The following PACRG variants were observed in gnomAD, a reference collection of about 807,000 sequenced individuals.
PACRG encodes parkin coregulated.
A neutral mutation model predicts 29.7 loss-of-function variants in PACRG; 29 were observed. The ratio of observed to expected loss-of-function variants is 0.98; its 90% CI spans 0.73 to 1.33. The LOEUF (loss-of-function observed/expected upper bound fraction) is 1.33. Among genes scored for constraint, PACRG ranks in the 40% most tolerant of loss-of-function variants. The probability of loss-of-function intolerance (pLI) is 0.00; values close to 1 mark genes in which losing one functional copy is unlikely to be tolerated. For missense variants in PACRG, 279 were observed against 316.2 expected (o/e 0.88, Z 0.89); for synonymous variants, 116 against 118.7 (o/e 0.98, Z 0.15).
intron 2 of PACRG, among the ~76,000 whole-genome samples, chr6:162,996,498 C>G (rs1355714133): frequency 2.0e-5 from 3 of 151,980 alleles, no homozygotes; most frequent in Non-Finnish European, 4.4e-5. Context: ...TAGGTTAGAG[C>G]TAGAGAAAAC....
At chr6:162,741,930 T>G (rs1027283455) in intron 1 of PACRG, among the ~76,000 whole-genome samples, 1 of 152,206 alleles carries the variant, frequency 6.6e-6, no homozygotes, top group African/African-American at 2.4e-5. Context: ...TTAAATCTAC[T>G]CTCAGTGATT....
chr6:162,842,524 C>G (rs1334317028), intron 2 of PACRG, among the ~76,000 whole-genome samples: 9 of 151,720 alleles, frequency 5.9e-5, no homozygotes, highest in Non-Finnish European at 1.0e-4. Context: ...GAATACAGCA[C>G]ACTGATGGGT....
intron 4 of PACRG, among the ~76,000 whole-genome samples, chr6:163,147,110 C>T (rs960970447): frequency 6.6e-6 from 1 of 152,116 alleles, no homozygotes; most frequent in Admixed American, 6.6e-5. Context: ...GACATCTTAT[C>T]CTCCTTCATT....
intron 4 of PACRG, among the ~76,000 whole-genome samples, chr6:163,248,340 A>G (rs531056259): frequency 6.6e-6 from 1 of 151,678 alleles, no homozygotes; most frequent in Non-Finnish European, 1.5e-5. Flanking sequence ...ACCATCCTTT[A>G]CTGAAAAGCT....
At position 163,026,616 on chromosome 6, in the gene PACRG, G is replaced by T. The variant is rs142909509; in HGVS notation, c.292-35534G>T. Reference sequence around the variant, plus strand: ...GGAGTCCGCTAAGGTCACCTCCCAGGTTCCCCCATAAGACCTCACTCTCAT... The same window carrying T: ...GGAGTCCGCTAAGGTCACCTCCCAGTTTCCCCCATAAGACCTCACTCTCAT... On this transcript the variant is annotated intron_variant, in intron 2 of 4. Coordinates refer to ENST00000366888, the MANE Select transcript of PACRG (RefSeq NM_001080379.2). Among the ~76,000 whole-genome samples, 252 of 152,288 alleles carry T rather than the reference G, an allele frequency of 1.7e-3. 1 individual carries two copies. The highest frequency in any genetic ancestry group is 5.6e-3 in the African/African-American group (232 of 41,566).
intron 2 of PACRG, among the ~76,000 whole-genome samples, chr6:162,882,601 G>A (rs1230474166): frequency 6.6e-6 from 1 of 152,152 alleles, no homozygotes; most frequent in Admixed American, 6.5e-5. Flanking sequence ...AGTGAACAAA[G>A]CTCACCTCCT....
At chr6:163,274,865 T>TTC (rs2128181602) in intron 4 of PACRG, among the ~76,000 whole-genome samples, 1 of 141,866 alleles carries the variant, frequency 7.0e-6, no homozygotes, top group South Asian at 2.2e-4. Context: ...TTCTTTCTTT[T>TTC]TTTTTTTTTT....
chr6:163,239,168 T>C (rs1456650946), intron 4 of PACRG, among the ~76,000 whole-genome samples: 2 of 152,212 alleles, frequency 1.3e-5, no homozygotes, highest in African/African-American at 4.8e-5. Context: ...AATGATATCT[T>C]CTCTCTGGGT....
chr6:163,283,624 C>T (rs1025255948), intron 4 of PACRG, among the ~76,000 whole-genome samples: 3 of 149,402 alleles, frequency 2.0e-5, no homozygotes, highest in African/African-American at 5.0e-5. Context: ...CAAGGTGAAA[C>T]CCCGTCTCTA....
upstream of PACRG, chr6:162,727,738 C>G: frequency 6.7e-7 from 1 of 1,486,182 alleles, no homozygotes; most frequent in Non-Finnish European, 9.2e-7. Flanking sequence ...GCCGCGCCTC[C>G]CACCAGCGGC....
rs151115526 is a variant in PACRG at position 163,306,963 on chromosome 6, T to C, written c.614-7864T>C. Among the ~76,000 whole-genome samples, 167 of 152,334 alleles carry C rather than the reference T, an allele frequency of 1.1e-3. 1 individual carries two copies. In the East Asian group the frequency reaches 0.023, roughly 21 times the overall value. On this transcript the variant is annotated intron_variant, in intron 4 of 4. Transcript: ENST00000366888. ...GTTAAATAACCTGCCCATAGTTAAATAGCTAGTGAGTTATTGAATAGTATA... is the reference window on the plus strand; with the variant it reads ...GTTAAATAACCTGCCCATAGTTAAACAGCTAGTGAGTTATTGAATAGTATA...
At chr6:163,139,986 T>C (rs537636999) in intron 4 of PACRG, among the ~76,000 whole-genome samples, 1 of 152,316 alleles carries the variant, frequency 6.6e-6, no homozygotes, top group African/African-American at 2.4e-5. Context: ...CTGTCCCTTC[T>C]GCCAGGACGA....
chr6:162,985,232 A>T (rs1047085121), intron 2 of PACRG, among the ~76,000 whole-genome samples: 1 of 151,988 alleles, frequency 6.6e-6, no homozygotes, highest in African/African-American at 2.4e-5. Context: ...TAATACCAAA[A>T]CCAGGGAAGG....
chr6:163,116,018 T>A (rs141671190), intron 4 of PACRG, among the ~76,000 whole-genome samples: 1 of 152,242 alleles, frequency 6.6e-6, no homozygotes, highest in African/African-American at 2.4e-5. Flanking sequence ...AGCTGAGATA[T>A]AGTTACACTT....
At chr6:163,165,984 A>G (rs1778786030) in intron 4 of PACRG, 1 of 411,634 alleles carries the variant, frequency 2.4e-6, no homozygotes, top group Non-Finnish European at 4.9e-6. Context: ...CTAATATAAT[A>G]CAATTTCTCT....
At chr6:163,172,732 G>A (rs1779148231) in intron 4 of PACRG, among the ~76,000 whole-genome samples, 1 of 152,144 alleles carries the variant, frequency 6.6e-6, no homozygotes, top group Non-Finnish European at 1.5e-5. Flanking sequence ...AAATGTCATT[G>A]GCCTCAATTA....
intron 1 of PACRG, among the ~76,000 whole-genome samples, chr6:162,737,506 G>A (rs1005704029): frequency 2.6e-5 from 4 of 152,028 alleles, no homozygotes; most frequent in African/African-American, 9.7e-5. Context: ...ATTCCCCATT[G>A]CTTTGTGTGT....
intron 4 of PACRG, among the ~76,000 whole-genome samples, chr6:163,185,553 T>A (rs1779878765): frequency 6.6e-6 from 1 of 152,154 alleles, no homozygotes; most frequent in Non-Finnish European, 1.5e-5. Flanking sequence ...AAGAATTCGT[T>A]AAGAAAAAGA....
At chr6:163,215,217 C>T (rs998721794) in intron 4 of PACRG, among the ~76,000 whole-genome samples, 1 of 152,024 alleles carries the variant, frequency 6.6e-6, no homozygotes, top group African/African-American at 2.4e-5. Flanking sequence ...ATTCTATCAT[C>T]TTTCAGTGTC....
Sources: allele counts gnomAD v4.1 joint callset (sites outside exome capture counted in the v4.1 genomes callset), GRCh38; gene constraint gnomAD v4.1.1; transcripts MANE v1.5; gene names NCBI Gene and HGNC (gene_info 2026-07-23, HGNC 2026-07-21).